The following TYW1 variants were observed in gnomAD, a reference collection of about 807,000 sequenced individuals.
TYW1 encodes S-adenosyl-L-methionine-dependent tRNA 4-demethylwyosine synthase TYW1.
In TYW1, 46 loss-of-function variants were observed where a neutral mutation model predicts 96.2. That is an observed-to-expected ratio of 0.48 (90% CI 0.38 to 0.61). The LOEUF (loss-of-function observed/expected upper bound fraction) is 0.61. Among genes scored for constraint, TYW1 ranks in the 20% least tolerant of loss-of-function variants. The pLI is 0.00. For synonymous variants in TYW1, 274 were observed against 323.0 expected, an observed-to-expected ratio of 0.85 and a Z score of 1.63; for missense variants, 684 against 909.6, an observed-to-expected ratio of 0.75 and a Z score of 3.19.
chr7:67,198,085 TTC>T (rs1800463057), intron 15 of TYW1, among the ~76,000 whole-genome samples: 1 of 152,064 alleles, frequency 6.6e-6, no homozygotes, highest in Non-Finnish European at 1.5e-5. Flanking sequence ...TAGGAATATT[TTC>T]TCTTACAACC....
chr7:67,125,732 C>T (rs1384967455), intron 13 of TYW1, among the ~76,000 whole-genome samples: 2 of 152,138 alleles, frequency 1.3e-5, no homozygotes, highest in Non-Finnish European at 2.9e-5. Context: ...TTTATCTCTC[C>T]CTCCCTCATC....
intron 15 of TYW1, among the ~76,000 whole-genome samples, chr7:67,234,520 C>G (rs924457856): frequency 6.6e-6 from 1 of 152,070 alleles, no homozygotes; most frequent in African/African-American, 2.4e-5. Context: ...CCTTGGAATT[C>G]CAGCCTCCAG....
chr7:67,069,603 G>A (rs1226502586), intron 10 of TYW1, among the ~76,000 whole-genome samples: 1 of 152,124 alleles, frequency 6.6e-6, no homozygotes, highest in African/African-American at 2.4e-5. Context: ...GCCGGGCATG[G>A]TGGTGCATGT....
intron 10 of TYW1, among the ~76,000 whole-genome samples, chr7:67,075,470 T>C (rs1341848798): frequency 6.6e-6 from 1 of 152,182 alleles, no homozygotes; most frequent in Admixed American, 6.5e-5. Flanking sequence ...ATCCAAAAAG[T>C]AGATATACTC....
Position 66,997,119 on chromosome 7 carries a change from C to G in TYW1, c.4+137C>G, listed in dbSNP as rs1040869615. On this transcript the variant is annotated intron_variant, in intron 1 of 15. Coordinates refer to ENST00000359626, the MANE Select transcript of TYW1 (RefSeq NM_018264.4). Reference sequence around the variant, plus strand: ...GCACTTGACAGCACCGGCTAGTCGCCGCTGAGAGCAAGGAGGACTGATCCC... The same window carrying G: ...GCACTTGACAGCACCGGCTAGTCGCGGCTGAGAGCAAGGAGGACTGATCCC... 4.6e-6 allele frequency: 7 copies of G among 1,509,798 alleles called. No individual in the cohort carries two copies. The African/African-American group carries it at 9.6e-5, about 21-fold the overall frequency. 93.5% of individuals were successfully genotyped at this position (1,509,798 alleles called of 1,614,324 possible). A position where few individuals can be genotyped will look rare whatever the true frequency, so the allele number is the denominator to read the frequency against.
At chr7:67,053,846 C>A (rs1795435471) in intron 8 of TYW1, among the ~76,000 whole-genome samples, 1 of 152,204 alleles carries the variant, frequency 6.6e-6, no homozygotes, top group Admixed American at 6.5e-5. Flanking sequence ...CCTGTAGACT[C>A]TTGGAGTCTC....
intron 12 of TYW1, among the ~76,000 whole-genome samples, chr7:67,109,663 T>C (rs1243629264): frequency 6.6e-6 from 1 of 152,074 alleles, no homozygotes; most frequent in Non-Finnish European, 1.5e-5. Context: ...GGCGGATCAT[T>C]TGAGGTCAGG....
intron 13 of TYW1, among the ~76,000 whole-genome samples, chr7:67,158,282 TTCAGCTGTGTTGG>T (rs1285121338): frequency 1.3e-5 from 2 of 151,848 alleles, no homozygotes; most frequent in Admixed American, 1.3e-4. Context: ...AGAGACAGGG[TTCAGCTGTGTTGG>T]TCAGGCTGGT....
At chr7:67,211,441 A>ATC (rs1801023414) in intron 15 of TYW1, among the ~76,000 whole-genome samples, 1 of 152,170 alleles carries the variant, frequency 6.6e-6, no homozygotes, top group Admixed American at 6.5e-5. Context: ...GTTGAGGAGC[A>ATC]TCTGTATTTT....
At chr7:67,136,602 T>C (rs1280736052) in intron 13 of TYW1, among the ~76,000 whole-genome samples, 1 of 151,244 alleles carries the variant, frequency 6.6e-6, no homozygotes, top group Non-Finnish European at 1.5e-5. Context: ...TTTGATGAAG[T>C]GTAGATCCAC....
intron 13 of TYW1, among the ~76,000 whole-genome samples, chr7:67,155,375 T>G (rs1455611649): frequency 6.6e-6 from 1 of 152,134 alleles, no homozygotes; most frequent in Non-Finnish European, 1.5e-5. Context: ...ACCTTTCTCC[T>G]CCTTCGCTCT....
chr7:66,996,945 C>A lies in TYW1; in HGVS notation c.-34C>A. The A allele has an allele frequency of 4.3e-6, 7 of 1,614,028 alleles. No individual in the cohort carries two copies. The highest frequency in any genetic ancestry group is 5.9e-6 in the Non-Finnish European group (7 of 1,179,956). On this transcript the variant is annotated 5_prime_UTR_variant, in exon 1 of 16. Coordinates refer to ENST00000359626, the MANE Select transcript of TYW1 (RefSeq NM_018264.4). ...GTGCGAATCATCGGGCTATCCAGGT[C>A]CGAGATCCTAGTCTCCTGTCGGCTC...
At chr7:67,069,066 A>G (rs774431353) in intron 10 of TYW1, among the ~76,000 whole-genome samples, 3 of 152,298 alleles carry the variant, frequency 2.0e-5, no homozygotes, top group East Asian at 3.9e-4. Flanking sequence ...CACAAGAGTT[A>G]TAATTCTTTT....
chr7:67,006,703 G>A lies in TYW1; in HGVS notation c.274-2880G>A, dbSNP rs1793606177. Among the ~76,000 whole-genome samples the A allele has an allele frequency of 2.0e-5, 3 of 152,020 alleles. No homozygotes were observed. The South Asian group carries it at 6.2e-4, about 32-fold the overall frequency. On this transcript the variant is annotated intron_variant, in intron 3 of 15. Coordinates refer to ENST00000359626, the MANE Select transcript of TYW1 (RefSeq NM_018264.4). ...GATCCGCCCGCCTTGACCTCCCAAA[G>A]AGCTGGGATTACAGGCATGAGCCAC...
intron 13 of TYW1, among the ~76,000 whole-genome samples, chr7:67,139,579 C>A (rs1276161134): frequency 2.6e-5 from 4 of 152,030 alleles, no homozygotes; most frequent in African/African-American, 9.7e-5. Context: ...CCTGCAGAAC[C>A]CACAGATATG....
intron 13 of TYW1, among the ~76,000 whole-genome samples, chr7:67,146,734 T>G (rs1003484184): frequency 6.6e-6 from 1 of 152,154 alleles, no homozygotes; most frequent in African/African-American, 2.4e-5. Flanking sequence ...AGATAGTGAG[T>G]AGGTTAATCA....
intron 7 of TYW1, among the ~76,000 whole-genome samples, chr7:67,038,740 C>T (rs1409374832): frequency 2.6e-5 from 4 of 151,912 alleles, no homozygotes; most frequent in Non-Finnish European, 1.5e-5. Flanking sequence ...CCCGTCTCTA[C>T]TAAAAATATA....
intron 13 of TYW1, among the ~76,000 whole-genome samples, chr7:67,158,851 G>A (rs536070708): frequency 7.9e-5 from 12 of 152,328 alleles, no homozygotes; most frequent in East Asian, 3.9e-4. Flanking sequence ...GATTACAGGC[G>A]TGAGCCACTG....
At chr7:67,124,634 G>C (rs958507082) in intron 13 of TYW1, among the ~76,000 whole-genome samples, 1 of 151,878 alleles carries the variant, frequency 6.6e-6, no homozygotes, top group African/African-American at 2.4e-5. Flanking sequence ...TTTTTGTTTT[G>C]CTTGTTTTTT....
Sources: allele counts gnomAD v4.1 joint callset (sites outside exome capture counted in the v4.1 genomes callset), GRCh38; gene constraint gnomAD v4.1.1; transcripts MANE v1.5; gene names NCBI Gene and HGNC (gene_info 2026-07-23, HGNC 2026-07-21).